Variants in LHFPL3 observed in about 807,000 individuals in gnomAD.
LHFPL3 encodes LHFPL tetraspan subfamily member 3, also known as LHFPL tetraspan subfamily member 3 protein.
A neutral mutation model predicts 19.3 loss-of-function variants in LHFPL3; 5 were observed. That is an observed-to-expected ratio of 0.26 (90% CI 0.14 to 0.54). The LOEUF (loss-of-function observed/expected upper bound fraction) is 0.54. Among genes scored for constraint, LHFPL3 ranks in the 20% least tolerant of loss-of-function variants. The probability of loss-of-function intolerance (pLI) is 0.94; values close to 1 mark genes in which losing one functional copy is unlikely to be tolerated. For missense variants in LHFPL3, 249 were observed against 307.4 expected, an observed-to-expected ratio of 0.81 and a Z score of 1.42; for synonymous variants, 133 against 126.2, an observed-to-expected ratio of 1.05 and a Z score of -0.36.
Position 104,399,330 on chromosome 7 carries a change from G to A in LHFPL3, c.445+70106G>A, listed in dbSNP as rs942829467. Among the ~76,000 whole-genome samples the A allele has an allele frequency of 6.6e-6, 1 of 152,088 alleles. No homozygotes were observed. Among genetic ancestry groups the A allele is most frequent in the Non-Finnish European group, 1.5e-5 (1 of 68,022 alleles). On this transcript the variant is annotated intron_variant, in intron 1 of 2. Transcript: ENST00000424859. This position sits in a 1 kb window ranked among gnomAD's most constrained non-coding sequence, Gnocchi z 4.4. Reference sequence around the variant, plus strand: ...GTTTTACTTTCATTGGGTAAGTTACGATTAAATGTAACTTTACTATTGCTC... The same window carrying A: ...GTTTTACTTTCATTGGGTAAGTTACAATTAAATGTAACTTTACTATTGCTC...
intron 2 of LHFPL3, among the ~76,000 whole-genome samples, chr7:104,891,388 T>C (rs1217959777): frequency 6.6e-6 from 1 of 152,056 alleles, no homozygotes; most frequent in Non-Finnish European, 1.5e-5. Context: ...GCAGGCTGAA[T>C]ATCATCCCTT....
Position 104,906,386 on chromosome 7 carries a change from A to C in LHFPL3, c.*171A>C, listed in dbSNP as rs1792616312. ...ACTTGTCAACGCACTTTCTAAATCT[A>C]GATCAGCAGAGATGGGAGTGATTTT... On this transcript the variant is annotated 3_prime_UTR_variant, in exon 3 of 3. Transcript: ENST00000424859. The C allele has an allele frequency of 1.4e-6, 1 of 706,980 alleles. No individual in the cohort carries two copies. The highest frequency in any genetic ancestry group is 2.2e-5 in the South Asian group (1 of 44,838). The allele number at this position is 706,980 out of a possible 1,614,324, so 43.8% of individuals were successfully genotyped here.
At chr7:104,611,319 C>T (rs7785650) in intron 1 of LHFPL3, among the ~76,000 whole-genome samples, 54,941 of 152,032 alleles carry the variant, frequency 0.36, 10,132 homozygotes, top group South Asian at 0.48. Context: ...GATCCAAAGT[C>T]ATGTAATATT....
At chr7:104,545,531 G>T (rs1486240433) in intron 1 of LHFPL3, among the ~76,000 whole-genome samples, 3 of 152,192 alleles carry the variant, frequency 2.0e-5, no homozygotes, top group Non-Finnish European at 4.4e-5. Flanking sequence ...GAAGGGCTCT[G>T]ATCCTCAGAG....
chr7:104,601,451 T>C (rs2115697301), intron 1 of LHFPL3, among the ~76,000 whole-genome samples: 2 of 152,224 alleles, frequency 1.3e-5, no homozygotes, highest in Middle Eastern at 6.8e-3. Flanking sequence ...ATCTATAAGG[T>C]CCTTAGATCA....
intron 2 of LHFPL3, among the ~76,000 whole-genome samples, chr7:104,785,027 A>G (rs997413663): frequency 2.0e-5 from 3 of 152,256 alleles, no homozygotes; most frequent in Non-Finnish European, 2.9e-5. Flanking sequence ...CTGTGGAAGT[A>G]TATACTTAAA....
chr7:104,750,129 T>G (rs1158182794), intron 2 of LHFPL3, among the ~76,000 whole-genome samples: 2 of 152,250 alleles, frequency 1.3e-5, no homozygotes, highest in Non-Finnish European at 2.9e-5. Context: ...TATCTGGCCC[T>G]AAGCAATGTA....
intron 1 of LHFPL3, among the ~76,000 whole-genome samples, chr7:104,523,892 C>G (rs1794131047): frequency 6.6e-6 from 1 of 152,142 alleles, no homozygotes; most frequent in South Asian, 2.1e-4. Context: ...TGGTGCTCAT[C>G]CAAGACTTAC....
At chr7:104,818,780 T>TTCTC (rs147373563) in intron 2 of LHFPL3, among the ~76,000 whole-genome samples, 9 of 148,336 alleles carry the variant, frequency 6.1e-5, no homozygotes, top group East Asian at 3.9e-4. Context: ...CCTTTCTCCT[T>TTCTC]TCTCTCTCTC....
At chr7:104,459,147 T>C (rs1272346510) in intron 1 of LHFPL3, among the ~76,000 whole-genome samples, 1 of 152,226 alleles carries the variant, frequency 6.6e-6, no homozygotes, top group Non-Finnish European at 1.5e-5. Flanking sequence ...CTTTACCTTG[T>C]TCACTTTGGT....
intron 1 of LHFPL3, among the ~76,000 whole-genome samples, chr7:104,494,783 G>A (rs1217613154): frequency 6.6e-6 from 1 of 152,212 alleles, no homozygotes; most frequent in Non-Finnish European, 1.5e-5. Flanking sequence ...AAGACTTGGC[G>A]ACAGATAGTC....
intron 1 of LHFPL3, among the ~76,000 whole-genome samples, chr7:104,534,522 T>G (rs1055053619): frequency 5.9e-5 from 9 of 152,232 alleles, no homozygotes; most frequent in Non-Finnish European, 8.8e-5. Context: ...GACCACTGCA[T>G]GATGACAGCA....
chr7:104,714,232 T>G (rs1226643732), intron 1 of LHFPL3, among the ~76,000 whole-genome samples: 1 of 152,250 alleles, frequency 6.6e-6, no homozygotes, highest in African/African-American at 2.4e-5. Context: ...TGTTGTTTTG[T>G]TTTTGATACC....
intron 1 of LHFPL3, among the ~76,000 whole-genome samples, chr7:104,469,864 T>C (rs1004780327): frequency 1.3e-5 from 2 of 152,212 alleles, no homozygotes; most frequent in Non-Finnish European, 2.9e-5. Context: ...ATTACCATCC[T>C]AAATGTGAGA....
chr7:104,529,448 A>C (rs1794252831), intron 1 of LHFPL3, among the ~76,000 whole-genome samples: 1 of 152,136 alleles, frequency 6.6e-6, no homozygotes, highest in Non-Finnish European at 1.5e-5. Context: ...CACTGCCTGT[A>C]ATGCCATTTC....
chr7:104,702,233 C>T lies in LHFPL3; in HGVS notation c.446-34442C>T, dbSNP rs370097137. On this transcript the variant is annotated intron_variant, in intron 1 of 2. Transcript: ENST00000424859. ...TTGTTCTGATTCTTTTTATGGCATC[C>T]TGTTCTTGACTCTTCGGAGGATATT... 3.9e-5 allele frequency among the ~76,000 whole-genome samples: 6 copies of T among 152,110 alleles called. No homozygotes were observed. The East Asian group carries it at 7.7e-4, about 20-fold the overall frequency.
At chr7:104,672,235 C>T (rs544192940) in intron 1 of LHFPL3, among the ~76,000 whole-genome samples, 5 of 152,202 alleles carry the variant, frequency 3.3e-5, no homozygotes, top group Middle Eastern at 3.4e-3. Flanking sequence ...TCATCAGTAC[C>T]GTGCTTACTG....
At chr7:104,472,282 C>A (rs10216261) in intron 1 of LHFPL3, among the ~76,000 whole-genome samples, 83,861 of 151,784 alleles carry the variant, frequency 0.55, 23,800 homozygotes, top group African/African-American at 0.65. Flanking sequence ...GATGAGTTTT[C>A]AGAAGCAAAG....
At chr7:104,693,441 C>T (rs566478027) in intron 1 of LHFPL3, among the ~76,000 whole-genome samples, 14 of 152,248 alleles carry the variant, frequency 9.2e-5, no homozygotes, top group Admixed American at 7.8e-4. Flanking sequence ...ATTCTAATCC[C>T]ATAATCCCTA....
Sources: allele counts gnomAD v4.1 joint callset (sites outside exome capture counted in the v4.1 genomes callset), GRCh38; gene constraint gnomAD v4.1.1; non-coding constraint Gnocchi (gnomAD v3.1); transcripts MANE v1.5; gene names NCBI Gene and HGNC (gene_info 2026-07-23, HGNC 2026-07-21).